OXR1: variants seen among roughly 807,000 people sequenced by gnomAD.
The protein encoded by OXR1 is oxidation resistance 1, also known as oxidation resistance protein 1.
A neutral mutation model predicts 104.6 loss-of-function variants in OXR1; 41 were observed. The observed-to-expected ratio is 0.39, with a 90% CI of 0.31 to 0.51. OXR1 has a LOEUF of 0.51. OXR1 is among the 20% of genes least tolerant of loss of function. OXR1 has a pLI of 0.77. For missense variants in OXR1, 955 were observed against 1,031.9 expected (o/e 0.93, Z 1.02); for synonymous variants, 348 against 348.4 (o/e 1.00, Z 0.01).
intron 10 of OXR1, among the ~76,000 whole-genome samples, chr8:106,713,077 AAT>A (rs1831863705): frequency 2.6e-5 from 4 of 152,024 alleles, no homozygotes; most frequent in Admixed American, 2.6e-4. Context: ...GCACCTTTTA[AAT>A]ATGTTAGCTG....
At chr8:106,472,947 C>G (rs1379200589) in intron 2 of OXR1, among the ~76,000 whole-genome samples, 1 of 151,892 alleles carries the variant, frequency 6.6e-6, no homozygotes, top group Non-Finnish European at 1.5e-5. Flanking sequence ...ATGTTGCAAA[C>G]TTCCTAACCA....
intron 3 of OXR1, among the ~76,000 whole-genome samples, chr8:106,587,433 G>A (rs1329071401): frequency 1.3e-5 from 2 of 152,214 alleles, no homozygotes; most frequent in African/African-American, 2.4e-5. Context: ...AGATCAGGCA[G>A]CACTAAAGTT....
intron 3 of OXR1, among the ~76,000 whole-genome samples, chr8:106,546,507 A>C (rs1228810672): frequency 6.6e-6 from 1 of 152,216 alleles, no homozygotes; most frequent in Non-Finnish European, 1.5e-5. Context: ...TGCCTGGAAG[A>C]GAGGTCTGTA....
intron 2 of OXR1, among the ~76,000 whole-genome samples, chr8:106,505,424 T>C (rs1812094082): frequency 6.6e-6 from 1 of 152,188 alleles, no homozygotes; most frequent in Admixed American, 6.5e-5. Context: ...AAGTGACTTC[T>C]AAAAGACACT....
At chr8:106,743,537 T>G (rs373199172) in intron 15 of OXR1, among the ~76,000 whole-genome samples, 74 of 152,180 alleles carry the variant, frequency 4.9e-4, no homozygotes, top group African/African-American at 1.7e-3. Context: ...GCCAGGCTGG[T>G]CTCGAACTCC....
At chr8:106,712,013 A>G (rs745318440) in intron 10 of OXR1, among the ~76,000 whole-genome samples, 19 of 152,070 alleles carry the variant, frequency 1.2e-4, no homozygotes, top group Admixed American at 9.2e-4. Flanking sequence ...TCCTATATCC[A>G]TTGATAGATT....
chr8:106,288,753 G>T (rs1292502406), intron 1 of OXR1, among the ~76,000 whole-genome samples: 1 of 147,202 alleles, frequency 6.8e-6, no homozygotes, highest in Non-Finnish European at 1.5e-5. Flanking sequence ...ATATGTATTT[G>T]TGTGTATATA....
At chr8:106,383,555 G>A (rs577972511) in intron 2 of OXR1, among the ~76,000 whole-genome samples, 29 of 152,276 alleles carry the variant, frequency 1.9e-4, no homozygotes, top group African/African-American at 6.7e-4. Flanking sequence ...TGATTAAAAT[G>A]TAGGGAGCAA....
intron 2 of OXR1, among the ~76,000 whole-genome samples, chr8:106,430,478 G>T (rs1048939950): frequency 6.6e-6 from 1 of 152,156 alleles, no homozygotes; most frequent in African/African-American, 2.4e-5. Context: ...TGAGAATAAA[G>T]ACTTCATTAC....
chr8:106,696,096 C>CCT (rs1830004861), intron 7 of OXR1, among the ~76,000 whole-genome samples: 1 of 152,140 alleles, frequency 6.6e-6, no homozygotes, highest in Non-Finnish European at 1.5e-5. Flanking sequence ...GGCTGAAAAT[C>CCT]CTCTATGCAC....
At chr8:106,728,695 T>G (rs977162956) in intron 11 of OXR1, among the ~76,000 whole-genome samples, 5 of 152,216 alleles carry the variant, frequency 3.3e-5, no homozygotes, top group African/African-American at 1.2e-4. Context: ...TTCATTTATT[T>G]GAAGCTATTC....
At chr8:106,637,734 T>C (rs1823262700) in intron 3 of OXR1, among the ~76,000 whole-genome samples, 1 of 151,414 alleles carries the variant, frequency 6.6e-6, no homozygotes, top group Non-Finnish European at 1.5e-5. Flanking sequence ...GCCCTAAGAG[T>C]ATACTCTAGA....
intron 3 of OXR1, among the ~76,000 whole-genome samples, chr8:106,560,455 G>T (rs1816594568): frequency 6.6e-6 from 1 of 152,172 alleles, no homozygotes; most frequent in Non-Finnish European, 1.5e-5. Flanking sequence ...AACTGGCTAG[G>T]ATTGCTCGAA....
chr8:106,406,703 G>A (rs1382213221), intron 2 of OXR1, among the ~76,000 whole-genome samples: 2 of 152,118 alleles, frequency 1.3e-5, no homozygotes, highest in African/African-American at 2.4e-5. Context: ...AGGAGAGAGG[G>A]ATGAATAGGT....
At chr8:106,708,585 T>G (rs1020816981) in intron 9 of OXR1, among the ~76,000 whole-genome samples, 9 of 152,212 alleles carry the variant, frequency 5.9e-5, no homozygotes, top group African/African-American at 2.2e-4. Flanking sequence ...CAAAGTTCAT[T>G]TATTCTGTAA....
intron 1 of OXR1, among the ~76,000 whole-genome samples, chr8:106,288,706 T>C (rs1164557674): frequency 1.6e-5 from 2 of 123,106 alleles, no homozygotes; most frequent in African/African-American, 6.5e-5. Flanking sequence ...TATATATTTA[T>C]ATATTATATA....
chr8:106,399,703 C>A (rs1179056024), intron 2 of OXR1, among the ~76,000 whole-genome samples: 2 of 152,130 alleles, frequency 1.3e-5, no homozygotes, highest in Non-Finnish European at 2.9e-5. Context: ...GTAACACAAT[C>A]TAGCTTAAAC....
chr8:106,458,950 A>G (rs371899229), intron 2 of OXR1, among the ~76,000 whole-genome samples: 1 of 152,054 alleles, frequency 6.6e-6, no homozygotes, highest in African/African-American at 2.4e-5. Flanking sequence ...TTATCTAAGG[A>G]TGAATTATGC....
intron 3 of OXR1, among the ~76,000 whole-genome samples, chr8:106,612,868 A>T (rs1395071036): frequency 6.6e-6 from 1 of 152,170 alleles, no homozygotes; most frequent in Non-Finnish European, 1.5e-5. Context: ...ACTGAGAGGC[A>T]GGTGGGTTAA....
Sources: allele counts gnomAD v4.1 joint callset (sites outside exome capture counted in the v4.1 genomes callset), GRCh38; gene constraint gnomAD v4.1.1; transcripts MANE v1.5; gene names NCBI Gene and HGNC (gene_info 2026-07-23, HGNC 2026-07-21).